Variants in PTPN14 observed in about 807,000 individuals in gnomAD.
The protein encoded by PTPN14 is protein tyrosine phosphatase non-receptor type 14, also known as tyrosine-protein phosphatase non-receptor type 14.
A neutral mutation model predicts 126.8 loss-of-function variants in PTPN14; 53 were observed. The ratio of observed to expected loss-of-function variants is 0.42; its 90% CI spans 0.34 to 0.53. PTPN14 has a LOEUF of 0.53. Ranked by LOEUF, PTPN14 falls within the 20% of genes least tolerant of loss-of-function variation. The probability of loss-of-function intolerance (pLI) is 0.08; values close to 1 mark genes in which losing one functional copy is unlikely to be tolerated. For synonymous variants in PTPN14, 630 were observed against 599.3 expected, an observed-to-expected ratio of 1.05 and a Z score of -0.75; for missense variants, 1,257 against 1,552.9, an observed-to-expected ratio of 0.81 and a Z score of 3.20.
Position 214,355,501 on chromosome 1 carries a change from T to C in PTPN14, c.*2421A>G, listed in dbSNP as rs1055078211. The C allele has an allele frequency of 6.6e-6, 1 of 152,140 alleles. No individual in the cohort carries two copies. The highest frequency in any genetic ancestry group is 2.4e-5 in the African/African-American group (1 of 41,438). 9.4% of individuals were successfully genotyped at this position (152,140 alleles called of 1,614,324 possible). On this transcript the variant is annotated 3_prime_UTR_variant, in exon 19 of 19. Coordinates refer to ENST00000366956, the MANE Select transcript of PTPN14 (RefSeq NM_005401.5). ...ATTGATGAGCTTCTTATAATAAGGG[T>C]TATAAGCTCTGTTCACTGAAAATAC...
rs144603832 is a variant in PTPN14 at position 214,375,241 on chromosome 1, A to G, written c.2907+978T>C. ...TAGTTATAATTGATACACAAGCTAG[A>G]TATCTAACTCGCCTTTTACAGGCTT... is the stretch of plus-strand genomic sequence containing the variant. On this transcript the variant is annotated intron_variant, in intron 15 of 18. Transcript: ENST00000366956. Among the ~76,000 whole-genome samples the G allele has an allele frequency of 2.4e-3, 362 of 152,362 alleles. 1 individual carries two copies. The highest frequency in any genetic ancestry group is 8.6e-3 in the African/African-American group (357 of 41,588).
At chr1:214,448,291 C>T (rs897399830) in intron 3 of PTPN14, among the ~76,000 whole-genome samples, 32 of 152,092 alleles carry the variant, frequency 2.1e-4, no homozygotes, top group African/African-American at 7.2e-4. Flanking sequence ...AGTGCAGTGG[C>T]GCGATCTCGG....
At chr1:214,435,587 C>G (rs937036882) in intron 3 of PTPN14, among the ~76,000 whole-genome samples, 1 of 151,748 alleles carries the variant, frequency 6.6e-6, no homozygotes, top group Non-Finnish European at 1.5e-5. Flanking sequence ...AAAAAGTGGG[C>G]AAAGGACATG....
intron 1 of PTPN14, among the ~76,000 whole-genome samples, chr1:214,548,303 A>G (rs1656022911): frequency 6.6e-6 from 1 of 152,198 alleles, no homozygotes; most frequent in African/African-American, 2.4e-5. Flanking sequence ...AATTTGCCAC[A>G]CATACCCCTT....
intron 3 of PTPN14, among the ~76,000 whole-genome samples, chr1:214,437,708 A>G (rs1039095771): frequency 4.6e-5 from 7 of 152,156 alleles, no homozygotes; most frequent in Non-Finnish European, 1.0e-4. Context: ...AAATAAGACC[A>G]CGCCATCTAT....
intron 1 of PTPN14, among the ~76,000 whole-genome samples, chr1:214,494,616 T>C (rs1011297710): frequency 1.3e-5 from 2 of 152,200 alleles, no homozygotes; most frequent in African/African-American, 4.8e-5. Context: ...CATTAAGCTC[T>C]TTTTTTGCAA....
chr1:214,444,916 C>CG (rs2102625483), intron 3 of PTPN14, among the ~76,000 whole-genome samples: 1 of 152,282 alleles, frequency 6.6e-6, no homozygotes, highest in Non-Finnish European at 1.5e-5. Context: ...TCACTTCACA[C>CG]GCTGAAATGC....
intron 3 of PTPN14, among the ~76,000 whole-genome samples, chr1:214,418,759 T>A (rs1393875267): frequency 1.3e-5 from 2 of 152,244 alleles, no homozygotes; most frequent in African/African-American, 4.8e-5. Context: ...TTTCATATTG[T>A]GGCCAATGGT....
At chr1:214,376,164 T>C (rs1658338223) in intron 15 of PTPN14, 55 bp downstream of exon 15, 2 of 1,521,262 alleles carry the variant, frequency 1.3e-6, no homozygotes, top group Non-Finnish European at 1.8e-6. Flanking sequence ...TCCCCGCATT[T>C]TTCCCTTTAA....
chr1:214,391,730 T>C (rs950375099), intron 10 of PTPN14, among the ~76,000 whole-genome samples: 1 of 146,968 alleles, frequency 6.8e-6, no homozygotes, highest in African/African-American at 2.5e-5. Context: ...ACCCAGGACA[T>C]GTACAGTTTT....
intron 1 of PTPN14, among the ~76,000 whole-genome samples, chr1:214,520,064 A>AT (rs1266462647): frequency 0.012 from 1,258 of 103,024 alleles, 8 homozygotes; most frequent in African/African-American, 0.028. Context: ...AAAAAAAAAA[A>AT]AATATATATA....
intron 3 of PTPN14, among the ~76,000 whole-genome samples, chr1:214,450,133 A>AAAATAAATAAATAAAT (rs57585964): frequency 0.14 from 19,044 of 140,298 alleles, 1,602 homozygotes; most frequent in African/African-American, 0.19. Context: ...ACTCTATCTC[A>AAAATAAATAAATAAAT]AAATAAATAA....
At chr1:214,437,239 A>C (rs902709262) in intron 3 of PTPN14, among the ~76,000 whole-genome samples, 3 of 116,696 alleles carry the variant, frequency 2.6e-5, no homozygotes, top group Non-Finnish European at 5.2e-5. Flanking sequence ...AATAAATCAG[A>C]CAGTGGCAAA....
chr1:214,442,833 T>TC (rs1210258869), intron 3 of PTPN14, among the ~76,000 whole-genome samples: 1 of 151,936 alleles, frequency 6.6e-6, no homozygotes, highest in Non-Finnish European at 1.5e-5. Context: ...TTTTTTTTTT[T>TC]TCTCTTTGAG....
At chr1:214,493,362 T>C (rs1661292010) in intron 1 of PTPN14, among the ~76,000 whole-genome samples, 2 of 152,242 alleles carry the variant, frequency 1.3e-5, no homozygotes, top group Admixed American at 6.5e-5. Context: ...TCCACGGTGG[T>C]TGTACTAATT....
In PTPN14 at chr1:214,376,442, A is replaced by C; in HGVS notation, c.2689-5T>G. 6.2e-7 allele frequency: 1 copy of C among 1,602,860 alleles called. No individual in the cohort carries two copies. Among genetic ancestry groups the C allele is most frequent in the Non-Finnish European group, 8.5e-7 (1 of 1,170,416 alleles). On this transcript the variant is annotated splice_polypyrimidine_tract_variant and splice_region_variant and intron_variant, in intron 14 of 18. Transcript: ENST00000366956. The stretch of plus-strand genomic sequence containing the variant: ...TTTCTTCTTCAGGGTTCTGAACTGC[A>C]ACAGAAATTGATCTTCAGCTCTCTA...
chr1:214,426,155 A>C lies in PTPN14; in HGVS notation c.345-11429T>G, dbSNP rs1399720473. Among the ~76,000 whole-genome samples, 4 of 152,048 alleles carry C rather than the reference A, an allele frequency of 2.6e-5. No individual in the cohort carries two copies. The East Asian group carries it at 7.7e-4, about 29-fold the overall frequency. The stretch of plus-strand genomic sequence containing the variant: ...GAATTTTTAATGTTAGAAATGAATA[A>C]TTTTCTTTTGCAGAATCTTCAAAGC... On this transcript the variant is annotated intron_variant, in intron 3 of 18. Coordinates refer to ENST00000366956, the MANE Select transcript of PTPN14 (RefSeq NM_005401.5).
chr1:214,413,066 A>G (rs1659345265), intron 4 of PTPN14, among the ~76,000 whole-genome samples: 1 of 152,258 alleles, frequency 6.6e-6, no homozygotes, highest in East Asian at 1.9e-4. Flanking sequence ...TCGTAGAGAC[A>G]GAGTCTCGTT....
intron 3 of PTPN14, among the ~76,000 whole-genome samples, chr1:214,423,447 C>T (rs1267586519): frequency 6.6e-6 from 1 of 152,168 alleles, no homozygotes; most frequent in Non-Finnish European, 1.5e-5. Context: ...CATCTACATT[C>T]CTTACTCCAG....
Sources: allele counts gnomAD v4.1 joint callset (sites outside exome capture counted in the v4.1 genomes callset), GRCh38; gene constraint gnomAD v4.1.1; transcripts MANE v1.5; gene names NCBI Gene and HGNC (gene_info 2026-07-23, HGNC 2026-07-21).